The following CERCAM variants were observed in gnomAD, a reference collection of about 807,000 sequenced individuals.
CERCAM encodes the protein inactive glycosyltransferase 25 family member 3.
CERCAM carries 59 observed loss-of-function variants against 66.0 expected under a neutral mutation model. That is an observed-to-expected ratio of 0.89 (90% CI 0.73 to 1.11). The LOEUF is 1.11. CERCAM is among the 50% of genes most tolerant of loss of function. The probability of loss-of-function intolerance (pLI) is 0.00; values close to 1 mark genes in which losing one functional copy is unlikely to be tolerated. For missense variants in CERCAM, 840 were observed against 828.3 expected (o/e 1.01, Z -0.17); for synonymous variants, 318 against 343.6 (o/e 0.93, Z 0.83).
intron 1 of CERCAM, 79 bp from the exon 2 acceptor site, chr9:128,422,789 T>C (rs2131326400): frequency 2.0e-6 from 3 of 1,500,676 alleles, no homozygotes; most frequent in Non-Finnish European, 9.1e-7. Flanking sequence ...TCAAAGGTGT[T>C]AGTGCTTTGG....
At chr9:128,421,154 C>G (rs992200572) in intron 1 of CERCAM, 80 bp downstream of exon 1, 10 of 1,258,646 alleles carry the variant, frequency 7.9e-6, no homozygotes, top group Non-Finnish European at 1.0e-5. Context: ...GCGGCCCTGT[C>G]TGCTCGCTCC....
chr9:128,420,593 T>C (rs984969712), upstream of CERCAM: 2 of 191,550 alleles, frequency 1.0e-5, no homozygotes, highest in Non-Finnish European at 2.1e-5. The surrounding 1 kb of genome is among the most constrained non-coding windows in gnomAD (Gnocchi z 5.0). Context: ...CCCTGTCCGG[T>C]CCTCCGGCCC....
chr9:128,424,666 C>T, intron 5 of CERCAM, 52 bp downstream of exon 5: 7 of 1,524,604 alleles, frequency 4.6e-6, no homozygotes, highest in Non-Finnish European at 6.4e-6. Flanking sequence ...CACATTTGCA[C>T]ATGCTATTCC....
intron 12 of CERCAM, among the ~76,000 whole-genome samples, chr9:128,436,372 C>T (rs1484891663): frequency 5.3e-5 from 8 of 152,162 alleles, no homozygotes; most frequent in East Asian, 1.9e-4. Flanking sequence ...CTCAGCCTCC[C>T]GAGTAGTTGG....
At chr9:128,426,848 G>A (rs1833858343) in intron 5 of CERCAM, among the ~76,000 whole-genome samples, 1 of 152,176 alleles carries the variant, frequency 6.6e-6, no homozygotes, top group East Asian at 1.9e-4. Flanking sequence ...GTTTTGTGCT[G>A]GAGAAGTCTG....
chr9:128,432,431 C>T (rs112011370), intron 9 of CERCAM, among the ~76,000 whole-genome samples: 1,574 of 143,654 alleles, frequency 0.011, 7 homozygotes, highest in Admixed American at 0.019. Flanking sequence ...GGCACCCAGG[C>T]GGGAGTGCAG....
intron 3 of CERCAM, 156 bp from the exon 4 acceptor site, chr9:128,423,982 T>G: frequency 1.3e-6 from 1 of 794,288 alleles, no homozygotes; most frequent in Non-Finnish European, 2.0e-6. Context: ...AGAGCCTTGG[T>G]CCAGAAACAG....
chr9:128,424,353 G>T (rs1833786456), intron 4 of CERCAM, 57 bp from the exon 5 acceptor site: 1 of 1,612,532 alleles, frequency 6.2e-7, no homozygotes, highest in Non-Finnish European at 8.5e-7. Flanking sequence ...AGGCCTTGGG[G>T]TCTGTGGGCA....
Position 128,428,297 on chromosome 9 carries a change from T to C in CERCAM, c.767-5T>C, listed in dbSNP as rs778789964. ...CTGCAGCTCTCACTCAGCCTGTCTC[T>C]GCAGGGGTCTCCGTCCACGTGTGCA... is the stretch of plus-strand genomic sequence containing the variant. On this transcript the variant is annotated splice_region_variant and splice_polypyrimidine_tract_variant and intron_variant, in intron 5 of 12. Coordinates refer to ENST00000372838, the MANE Select transcript of CERCAM (RefSeq NM_016174.5). 6.8e-6 allele frequency: 11 copies of C among 1,613,824 alleles called. No individual in the cohort carries two copies. Among genetic ancestry groups the C allele is most frequent in the Non-Finnish European group, 9.3e-6 (11 of 1,179,860 alleles).
At position 128,431,433 on chromosome 9, in the gene CERCAM, C is replaced by T. The variant is rs1833973647; in HGVS notation, c.1203+130C>T. ...AACCTGGCCAGCAGCTTTCAATCTCCTCTGTGTTCAACACCCCAGTGGGCA... is the reference window on the plus strand; with the variant it reads ...AACCTGGCCAGCAGCTTTCAATCTCTTCTGTGTTCAACACCCCAGTGGGCA... On this transcript the variant is annotated intron_variant, in intron 9 of 12. Coordinates refer to ENST00000372838, the MANE Select transcript of CERCAM (RefSeq NM_016174.5). 7 of 1,264,434 alleles carry T rather than the reference C, an allele frequency of 5.5e-6. No homozygotes were observed. The South Asian group carries it at 5.7e-5, about 10-fold the overall frequency. 78.3% of individuals were successfully genotyped at this position (1,264,434 alleles called of 1,614,324 possible).
chr9:128,431,150 C>T (rs367900452), intron 8 of CERCAM, 21 bp from the exon 9 acceptor site: 48 of 1,611,710 alleles, frequency 3.0e-5, no homozygotes, highest in South Asian at 8.8e-5. Flanking sequence ...CCCCTCACCC[C>T]GCCACACCTG....
chr9:128,431,521 A>G (rs1226633607), intron 9 of CERCAM: 7 of 571,732 alleles, frequency 1.2e-5, no homozygotes, highest in Non-Finnish European at 2.1e-5. Flanking sequence ...GTGCTAGGAG[A>G]TATTCTGCTC....
At chr9:128,430,744 G>GCA (rs1833955424) in intron 8 of CERCAM, 1 of 159,648 alleles carries the variant, frequency 6.3e-6, no homozygotes, top group African/African-American at 2.4e-5. Context: ...GGCTGGGCGT[G>GCA]GTGGCTCATG....
In CERCAM at chr9:128,429,029, G is replaced by A; in HGVS notation, c.1063G>A (p.Asp355Asn). ...CTCTGGGAGGGTGGTGGACGCTGTGGATGGCTGGTGAGCCTGCCTGGTGGG... is the reference window on the plus strand; with the variant it reads ...CTCTGGGAGGGTGGTGGACGCTGTGAATGGCTGGTGAGCCTGCCTGGTGGG... ...EISGRVVDAVDGWMLNSSAIR... is the reference protein window; with the variant it reads ...EISGRVVDAVNGWMLNSSAIR... The change falls in exon 8 of 13, where the codon GAT becomes AAT. Residue 355 changes from aspartate to asparagine, a missense_variant. Coordinates refer to ENST00000372838, the MANE Select transcript of CERCAM (RefSeq NM_016174.5). 1 of 1,602,492 alleles carries A rather than the reference G, an allele frequency of 6.2e-7. No individual in the cohort carries two copies. The highest frequency in any genetic ancestry group is 1.1e-5 in the South Asian group (1 of 89,284).
intron 7 of CERCAM, 41 bp downstream of exon 7, chr9:128,428,874 TG>T: frequency 1.2e-6 from 2 of 1,605,376 alleles, no homozygotes; most frequent in Non-Finnish European, 1.7e-6. Flanking sequence ...AGGAGGTGGA[TG>T]GGCCCTCCTC....
intron 1 of CERCAM, chr9:128,422,591 TTA>T (rs1833735830): frequency 5.2e-6 from 2 of 385,556 alleles, no homozygotes; most frequent in South Asian, 1.1e-4. Flanking sequence ...TATTCTTCTC[TTA>T]TCTTTGTCCA....
At chr9:128,433,704 G>A (rs57030706) in intron 9 of CERCAM, among the ~76,000 whole-genome samples, 2,143 of 152,278 alleles carry the variant, frequency 0.014, 52 homozygotes, top group African/African-American at 0.047. Flanking sequence ...CAGCAGATGC[G>A]GGTTCATATC....
chr9:128,434,464 G>A lies in CERCAM; in HGVS notation c.1386G>A (p.Leu462=). The change falls in exon 11 of 13, where the codon CTG becomes CTA. Residue 462 remains leucine, a synonymous_variant. Coordinates refer to ENST00000372838, the MANE Select transcript of CERCAM (RefSeq NM_016174.5). This position sits in a 1 kb window ranked among gnomAD's most constrained non-coding sequence, Gnocchi z 4.5. The part of the protein sequence containing the change: ...NPEKETAVEG[L]PGLVVAGYSY... ...AGAAGGAGACGGCCGTGGAGGGGCT[G>A]CCGGGCCTGGTGGTGGCTGGGTACT... is the stretch of plus-strand genomic sequence containing the variant. The A allele has an allele frequency of 6.2e-7, 1 of 1,613,984 alleles. No homozygotes were observed.
At chr9:128,431,464 A>G in intron 9 of CERCAM, 161 bp downstream of exon 9, 1 of 821,252 alleles carries the variant, frequency 1.2e-6, no homozygotes, top group Non-Finnish European at 1.9e-6. Flanking sequence ...GGGCACCACT[A>G]AGCGGTGCTT....
Sources: gnomAD v4.1 joint callset for allele counts (sites outside exome capture counted in the v4.1 genomes callset) on GRCh38, gnomAD v4.1.1 for gene constraint, Gnocchi (gnomAD v3.1) non-coding constraint, MANE v1.5 for transcripts, NCBI Gene and HGNC (gene_info 2026-07-23, HGNC 2026-07-21) for gene names.